Variants in DOCK9 observed in about 807,000 individuals in gnomAD.
The protein encoded by DOCK9 is dedicator of cytokinesis 9, also known as dedicator of cytokinesis protein 9.
In DOCK9, 89 loss-of-function variants were observed where a neutral mutation model predicts 263.3. That is an observed-to-expected ratio of 0.34 (90% confidence interval 0.28 to 0.40). The LOEUF (loss-of-function observed/expected upper bound fraction) is 0.40. DOCK9 is among the 10% of genes least tolerant of loss of function. DOCK9 has a pLI of 1.00. For missense variants in DOCK9, 2,140 were observed against 2,603.4 expected (o/e 0.82, Z 3.87); for synonymous variants, 976 against 973.1 (o/e 1.00, Z -0.06).
chr13:99,070,962 G>A (rs2041643040), intron 1 of DOCK9, among the ~76,000 whole-genome samples: 1 of 152,110 alleles, frequency 6.6e-6, no homozygotes, highest in Admixed American at 6.5e-5. Flanking sequence ...TCATAAAAAA[G>A]TAAATAGTTC....
At chr13:98,821,281 G>A (rs1056799125) in intron 45 of DOCK9, among the ~76,000 whole-genome samples, 6 of 152,044 alleles carry the variant, frequency 3.9e-5, no homozygotes, top group Admixed American at 3.9e-4. Context: ...GAGTGAGGTG[G>A]GCAGTTACTC....
intron 27 of DOCK9, among the ~76,000 whole-genome samples, chr13:98,873,301 A>G (rs1374256445): frequency 1.3e-5 from 2 of 152,138 alleles, no homozygotes; most frequent in East Asian, 3.8e-4. Flanking sequence ...GGTACTCACA[A>G]ATCTATTTCT....
intron 45 of DOCK9, among the ~76,000 whole-genome samples, chr13:98,816,343 A>G (rs1214756457): frequency 1.3e-5 from 2 of 152,134 alleles, no homozygotes; most frequent in Non-Finnish European, 2.9e-5. Context: ...TATACATGGT[A>G]AGACACGGAG....
At chr13:98,817,774 TA>T (rs34195275) in intron 45 of DOCK9, among the ~76,000 whole-genome samples, 66,236 of 115,002 alleles carry the variant, frequency 0.58, 18,565 homozygotes, top group Middle Eastern at 0.67. Context: ...TTATATTTGC[TA>T]AAAAAAAAAA....
chr13:98,820,118 C>G (rs2092171759), intron 45 of DOCK9, among the ~76,000 whole-genome samples: 1 of 152,194 alleles, frequency 6.6e-6, no homozygotes, highest in Non-Finnish European at 1.5e-5. Flanking sequence ...TCCTGGGAGC[C>G]TCTGGTTACA....
intron 1 of DOCK9, among the ~76,000 whole-genome samples, chr13:98,970,852 C>CTGCCTAGCTATGCAGGAGATA (rs759257956): frequency 9.0e-4 from 137 of 152,190 alleles, no homozygotes; most frequent in Middle Eastern, 3.4e-3. Context: ...TTGTTATCTC[C>CTGCCTAGCTATGCAGGAGATA]TGCCTAGAAT....
In DOCK9 at chr13:98,810,384, G is replaced by A. The variant is rs2091195906; in HGVS notation, c.5131-93C>T. On this transcript the variant is annotated intron_variant, in intron 45 of 52. Coordinates refer to ENST00000682017, the MANE Select transcript of DOCK9 (RefSeq NM_001366683.2). The stretch of plus-strand genomic sequence containing the variant: ...AGAATGCTAAGTGCTAAGACTGCCA[G>A]GAGGAATTTTTCACAATAGACAACA... The A allele has an allele frequency of 4.7e-6, 7 of 1,505,136 alleles. No homozygotes were observed. In the South Asian group the frequency reaches 8.5e-5, roughly 18 times the overall value. 93.2% of individuals were successfully genotyped at this position (1,505,136 alleles called of 1,614,324 possible). A position where few individuals can be genotyped will look rare whatever the true frequency, so the allele number is the denominator to read the frequency against.
chr13:99,027,067 T>C (rs928406389), intron 1 of DOCK9, among the ~76,000 whole-genome samples: 2 of 152,156 alleles, frequency 1.3e-5, no homozygotes, highest in African/African-American at 2.4e-5. Context: ...TCGCCCAGGC[T>C]GGAGTGTAGT....
intron 1 of DOCK9, among the ~76,000 whole-genome samples, chr13:99,034,504 C>A (rs535862855): frequency 4.3e-4 from 65 of 152,304 alleles, no homozygotes; most frequent in African/African-American, 1.3e-3. Context: ...ACTGTTGTAA[C>A]CTTGAGTCAA....
chr13:98,966,139 A>C (rs1290604082), intron 1 of DOCK9, among the ~76,000 whole-genome samples: 3 of 152,226 alleles, frequency 2.0e-5, no homozygotes, highest in Admixed American at 2.0e-4. Flanking sequence ...GTCAATGAGG[A>C]GAGGAAGACA....
chr13:98,949,550 G>T (rs2057155867), intron 2 of DOCK9, among the ~76,000 whole-genome samples: 1 of 152,194 alleles, frequency 6.6e-6, no homozygotes, highest in Non-Finnish European at 1.5e-5. Context: ...AAATGACTGT[G>T]ATGAGAGGTG....
chr13:99,073,767 T>G (rs868082816), intron 1 of DOCK9, among the ~76,000 whole-genome samples: 3 of 152,340 alleles, frequency 2.0e-5, no homozygotes, highest in South Asian at 2.1e-4. Flanking sequence ...AATAGGGACT[T>G]TAATCTGTAT....
chr13:98,863,614 A>C (rs1208376107), intron 30 of DOCK9, 66 bp from the exon 31 acceptor site: 2 of 1,485,848 alleles, frequency 1.3e-6, no homozygotes, highest in East Asian at 4.8e-5. Flanking sequence ...AAACAAACAA[A>C]CAAACAAACA....
chr13:99,032,084 A>G (rs1485856072), intron 1 of DOCK9, among the ~76,000 whole-genome samples: 1 of 152,362 alleles, frequency 6.6e-6, no homozygotes, highest in African/African-American at 2.4e-5. Context: ...AGAGTCATCA[A>G]TGTGGGTCAC....
At chr13:98,967,377 T>C (rs529429054) in intron 1 of DOCK9, among the ~76,000 whole-genome samples, 11 of 152,316 alleles carry the variant, frequency 7.2e-5, no homozygotes, top group Admixed American at 2.0e-4. Flanking sequence ...ATTACACGCA[T>C]ATTGTCTCAT....
intron 1 of DOCK9, among the ~76,000 whole-genome samples, chr13:98,987,797 G>A (rs564078545): frequency 2.0e-5 from 3 of 152,244 alleles, no homozygotes; most frequent in Admixed American, 1.3e-4. Flanking sequence ...TAACATAACT[G>A]GTAAATAATA....
At chr13:98,957,826 C>T (rs2058223744) in intron 1 of DOCK9, among the ~76,000 whole-genome samples, 1 of 152,124 alleles carries the variant, frequency 6.6e-6, no homozygotes, top group African/African-American at 2.4e-5. Context: ...TCAGATGGAC[C>T]AATACTGCAG....
chr13:98,807,250 C>T (rs1045158816), intron 48 of DOCK9, among the ~76,000 whole-genome samples: 1 of 152,188 alleles, frequency 6.6e-6, no homozygotes, highest in Non-Finnish European at 1.5e-5. Context: ...CTTGGCCTGT[C>T]CATGTGTCCA....
At chr13:98,809,330 G>A in intron 47 of DOCK9, 22 bp downstream of exon 47, 1 of 1,579,034 alleles carries the variant, frequency 6.3e-7, no homozygotes, top group South Asian at 1.1e-5. Flanking sequence ...AGGACAGTCT[G>A]CAGAATGGAC....
Sources: gnomAD v4.1 joint callset for allele counts (sites outside exome capture counted in the v4.1 genomes callset) on GRCh38, gnomAD v4.1.1 for gene constraint, MANE v1.5 for transcripts, NCBI Gene and HGNC (gene_info 2026-07-23, HGNC 2026-07-21) for gene names.